The following VWA2 variants were observed in gnomAD, a reference collection of about 807,000 sequenced individuals.
The protein encoded by VWA2 is von Willebrand factor A domain containing 2.
VWA2 carries 73 observed loss-of-function variants against 70.4 expected under a neutral mutation model. That is an observed-to-expected ratio of 1.04 (90% CI 0.86 to 1.26). The LOEUF (loss-of-function observed/expected upper bound fraction) is 1.26. Ranked by LOEUF, VWA2 falls within the 50% of genes most tolerant of loss-of-function variation. The pLI is 0.00. For synonymous variants in VWA2, 407 were observed against 423.3 expected (o/e 0.96, Z 0.47); for missense variants, 1,011 against 998.5 (o/e 1.01, Z -0.17).
Position 114,278,730 on chromosome 10 carries a change from G to A in VWA2, c.712G>A (p.Glu238Lys), listed in dbSNP as rs374291780. 2.3e-5 allele frequency: 37 copies of A among 1,613,890 alleles called. No homozygotes were observed. The highest frequency in any genetic ancestry group is 5.5e-5 in the South Asian group (5 of 91,080). Residue 238 changes from glutamate (E) to lysine (K), a missense_variant, in exon 8 of 14, where the codon GAG becomes AAG. Coordinates refer to ENST00000392982, the MANE Select transcript of VWA2 (RefSeq NM_001272046.2). ...CSSATPDCRV[E>K]AHPCEHRTLE... is the part of the protein sequence containing the mutation. ...TGTTGTGGACACAGACTGCAGGGTC[G>A]AGGCTCACCCCTGTGAGCACAGGAC... is the stretch of plus-strand genomic sequence containing the variant.
intron 4 of VWA2, among the ~76,000 whole-genome samples, chr10:114,260,230 C>T (rs754018103): frequency 3.9e-5 from 6 of 152,154 alleles, no homozygotes; most frequent in Admixed American, 6.6e-5. Flanking sequence ...GCTCAAGACA[C>T]GCTAGTGCCT....
At chr10:114,277,844 G>C in intron 6 of VWA2, 70 bp from the exon 7 acceptor site, 1 of 1,513,604 alleles carries the variant, frequency 6.6e-7, no homozygotes, top group Non-Finnish European at 8.9e-7. Flanking sequence ...AGGAACCCAC[G>C]GCCTAGAAGA....
At chr10:114,267,676 A>G (rs1467274885) in intron 5 of VWA2, among the ~76,000 whole-genome samples, 2 of 151,274 alleles carry the variant, frequency 1.3e-5, no homozygotes, top group South Asian at 2.1e-4. Context: ...TCCTGACCTC[A>G]GGTGATCCAC....
At chr10:114,251,452 CCCTTG>C (rs1445499253) in intron 2 of VWA2, among the ~76,000 whole-genome samples, 6 of 152,236 alleles carry the variant, frequency 3.9e-5, no homozygotes, top group Non-Finnish European at 8.8e-5. Context: ...TCACAGAGCT[CCCTTG>C]CCTTCTCATC....
At chr10:114,239,863 G>C (rs887733844) in intron 1 of VWA2, among the ~76,000 whole-genome samples, 2 of 152,230 alleles carry the variant, frequency 1.3e-5, no homozygotes, top group Admixed American at 1.3e-4. Context: ...GGAGGGGTGC[G>C]GTCAGCAGGT....
intron 1 of VWA2, among the ~76,000 whole-genome samples, chr10:114,241,606 A>G (rs1454795596): frequency 6.6e-6 from 1 of 152,156 alleles, no homozygotes; most frequent in East Asian, 1.9e-4. Flanking sequence ...TTTTTTGTTA[A>G]TAACTCCCCT....
chr10:114,278,092 CG>C, intron 7 of VWA2, 45 bp downstream of exon 7: 1 of 1,583,178 alleles, frequency 6.3e-7, no homozygotes, highest in Non-Finnish European at 8.6e-7. Context: ...CATGTGGGGT[CG>C]GGGAGGGCTC....
intron 9 of VWA2, among the ~76,000 whole-genome samples, chr10:114,283,132 G>T (rs2038383588): frequency 6.6e-6 from 1 of 152,206 alleles, no homozygotes; most frequent in South Asian, 2.1e-4. Context: ...TGGGGTGCTA[G>T]TGACCCCACT....
intron 1 of VWA2, chr10:114,246,105 G>C: frequency 1.3e-6 from 1 of 792,190 alleles, no homozygotes; most frequent in South Asian, 1.3e-5. Flanking sequence ...CAGATGCATG[G>C]TGAGAAGGTA....
rs572989891 is a variant in VWA2, at chr10:114,283,773, G to A, written c.890-1090G>A. 2.0e-5 allele frequency among the ~76,000 whole-genome samples: 3 copies of A among 152,380 alleles called. 1 individual carries two copies. Among genetic ancestry groups the A allele is most frequent in the East Asian group, 3.9e-4 (2 of 5,194 alleles). Reference sequence around the variant, plus strand: ...AGATGCTCAGTTAAAGGCCACTGTCGTCGATCTCAGTGAGCCCCCAGCTAT... The same window carrying A: ...AGATGCTCAGTTAAAGGCCACTGTCATCGATCTCAGTGAGCCCCCAGCTAT... On this transcript the variant is annotated intron_variant, in intron 9 of 13. Coordinates refer to ENST00000392982, the MANE Select transcript of VWA2 (RefSeq NM_001272046.2).
rs2039656740 is a variant in VWA2 at position 114,292,102 on chromosome 10, G to A, written c.*865G>A. 6.6e-6 allele frequency among the ~76,000 whole-genome samples: 1 copy of A among 152,064 alleles called. No individual in the cohort carries two copies. Among genetic ancestry groups the A allele is most frequent in the African/African-American group, 2.4e-5 (1 of 41,412 alleles). On this transcript the variant is annotated 3_prime_UTR_variant, in exon 14 of 14. Transcript: ENST00000392982. ...GACCAGCCTGGCCAACGTGGTGAAA[G>A]TTTGTCTTTACTAAAAATACAAAAG... is the stretch of plus-strand genomic sequence containing the variant.
chr10:114,290,278 T>C lies in VWA2; in HGVS notation c.2161T>C (p.Cys721Arg). 6.4e-7 allele frequency: 1 copy of C among 1,550,564 alleles called. No homozygotes were observed. The highest frequency in any genetic ancestry group is 8.7e-7 in the Non-Finnish European group (1 of 1,146,974). ...QPVNLCKPSPCMNEGSCVLQN... is the reference protein window; with the variant it reads ...QPVNLCKPSPRMNEGSCVLQN... The stretch of plus-strand genomic sequence containing the variant: ...AGTCAACCTCTGCAAACCCAGCCCG[T>C]GCATGAATGAGGGCAGCTGCGTCCT... The change falls in exon 13 of 14, where the codon TGC becomes CGC. Residue 721 changes from cysteine to arginine, a missense_variant. Cys to Arg is a radical substitution (Grantham distance 180, BLOSUM62 -3). Coordinates refer to ENST00000392982, the MANE Select transcript of VWA2 (RefSeq NM_001272046.2).
rs770001461 is a variant in VWA2 at position 114,278,704 on chromosome 10, G to A, written c.701-15G>A. On this transcript the variant is annotated splice_polypyrimidine_tract_variant and intron_variant, in intron 7 of 13. Coordinates refer to ENST00000392982, the MANE Select transcript of VWA2 (RefSeq NM_001272046.2). Reference sequence around the variant, plus strand: ...CTGTCTCCTCCGTGGGTGTGGGTGTGTGTTGTGGACACAGACTGCAGGGTC... The same window carrying A: ...CTGTCTCCTCCGTGGGTGTGGGTGTATGTTGTGGACACAGACTGCAGGGTC... 23 of 1,613,862 alleles carry A rather than the reference G, an allele frequency of 1.4e-5. No individual in the cohort carries two copies. The highest frequency in any genetic ancestry group is 1.9e-5 in the Non-Finnish European group (22 of 1,179,958).
chr10:114,275,051 A>G (rs1425127255), intron 6 of VWA2, among the ~76,000 whole-genome samples: 1 of 152,176 alleles, frequency 6.6e-6, no homozygotes, highest in East Asian at 1.9e-4. Context: ...AATCTGGAGC[A>G]TGGAGGAGGG....
chr10:114,290,145 T>C, intron 12 of VWA2, 95 bp from the exon 13 acceptor site: 6 of 1,484,482 alleles, frequency 4.0e-6, no homozygotes, highest in Non-Finnish European at 4.5e-6. Context: ...ATGACTCTAG[T>C]AGCCTTGCAC....
At chr10:114,249,944 G>A (rs1016585520) in intron 2 of VWA2, among the ~76,000 whole-genome samples, 1 of 151,974 alleles carries the variant, frequency 6.6e-6, no homozygotes, top group African/African-American at 2.4e-5. Context: ...TTCCAGTCCT[G>A]CCCTGCATCC....
At chr10:114,289,542 C>G (rs376185898) in intron 12 of VWA2, 53 bp downstream of exon 12, 1 of 1,596,932 alleles carries the variant, frequency 6.3e-7, no homozygotes, top group Non-Finnish European at 8.6e-7. Context: ...GGCCCTCAGC[C>G]TGAGCCTTCA....
rs771207431 is a variant in VWA2 at position 114,286,417 on chromosome 10, C to T, written c.1476C>T (p.Gly492=). 11 of 1,613,708 alleles carry T rather than the reference C, an allele frequency of 6.8e-6. No individual in the cohort carries two copies. The highest frequency in any genetic ancestry group is 2.5e-6 in the Non-Finnish European group (3 of 1,179,994). ...GGGCAGAGCTGGAGGAGATCACAGG[C>T]AGCCCAAAGCATGTGATGGTCTACT... ...AVRAELEEIT[G]SPKHVMVYSD... Residue 492 remains glycine (G), a synonymous_variant, in exon 11 of 14, where the codon GGC becomes GGT. Coordinates refer to ENST00000392982, the MANE Select transcript of VWA2 (RefSeq NM_001272046.2).
At chr10:114,249,659 G>T (rs2037153321) in intron 2 of VWA2, among the ~76,000 whole-genome samples, 1 of 152,204 alleles carries the variant, frequency 6.6e-6, no homozygotes, top group African/African-American at 2.4e-5. Flanking sequence ...TCCCTGCAAA[G>T]GACGTGATCT....
Sources: allele counts gnomAD v4.1 joint callset (sites outside exome capture counted in the v4.1 genomes callset), GRCh38; gene constraint gnomAD v4.1.1; transcripts MANE v1.5; gene names NCBI Gene and HGNC (gene_info 2026-07-23, HGNC 2026-07-21).